Variants in STK32C observed in about 807,000 individuals in gnomAD.
The protein encoded by STK32C is serine/threonine-protein kinase 32C.
STK32C carries 31 observed loss-of-function variants against 56.5 expected under a neutral mutation model. That is an observed-to-expected ratio of 0.55 (90% CI 0.41 to 0.74). The LOEUF (loss-of-function observed/expected upper bound fraction) is 0.74, where lower values mean the gene tolerates loss of function less well. Among genes scored for constraint, STK32C ranks in the 30% least tolerant of loss-of-function variants. The probability of loss-of-function intolerance (pLI) is 0.00; values close to 1 mark genes in which losing one functional copy is unlikely to be tolerated. For synonymous variants in STK32C, 309 were observed against 289.4 expected (o/e 1.07, Z -0.69); for missense variants, 544 against 676.9 (o/e 0.80, Z 2.18).
intron 1 of STK32C, among the ~76,000 whole-genome samples, chr10:132,291,520 G>A (rs963114678): frequency 6.6e-6 from 1 of 152,202 alleles, no homozygotes; most frequent in Non-Finnish European, 1.5e-5. Flanking sequence ...GCCACCTAGT[G>A]GGAAGAAGGG....
chr10:132,273,958 C>G (rs879793295), intron 1 of STK32C, among the ~76,000 whole-genome samples: 1 of 152,264 alleles, frequency 6.6e-6, no homozygotes, highest in Non-Finnish European at 1.5e-5. Context: ...AACTGCGCTT[C>G]TGACTTCTCA....
chr10:132,236,979 A>G (rs138779741), intron 2 of STK32C, among the ~76,000 whole-genome samples: 1 of 152,310 alleles, frequency 6.6e-6, no homozygotes, highest in Non-Finnish European at 1.5e-5. Flanking sequence ...TTCAGCTTCC[A>G]CACTGTGGTT....
At chr10:132,331,551 G>A (rs1392070419) in exon 1 of STK32C, 1 of 1,612,836 alleles carries the variant, frequency 6.2e-7, no homozygotes, top group African/African-American at 1.3e-5. Context: ...TTGGGGACAA[G>A]CAGCTCCTGT....
At chr10:132,331,314 G>C (rs1233109535) in intron 1 of STK32C, 2 of 967,028 alleles carry the variant, frequency 2.1e-6, no homozygotes, top group Non-Finnish European at 3.0e-6. Context: ...TTATCAGTTG[G>C]ATCCTGGAAT....
intron 1 of STK32C, among the ~76,000 whole-genome samples, chr10:132,254,858 C>G (rs1035744236): frequency 9.2e-5 from 14 of 152,166 alleles, no homozygotes; most frequent in Non-Finnish European, 1.9e-4. Flanking sequence ...CAGGTCCCCT[C>G]TTGATGTCTT....
At chr10:132,238,172 G>C (rs1353313340) in intron 2 of STK32C, among the ~76,000 whole-genome samples, 1 of 152,136 alleles carries the variant, frequency 6.6e-6, no homozygotes, top group Non-Finnish European at 1.5e-5. Flanking sequence ...TTGGGACCGA[G>C]GCAGCTTCTA....
At chr10:132,258,452 A>C (rs918497202) in intron 1 of STK32C, among the ~76,000 whole-genome samples, 3 of 152,208 alleles carry the variant, frequency 2.0e-5, no homozygotes, top group Non-Finnish European at 4.4e-5. Context: ...GCTCTTTGCA[A>C]AGGACAGGTG....
At chr10:132,213,387 C>A (rs546516998) in intron 10 of STK32C, among the ~76,000 whole-genome samples, 2 of 152,344 alleles carry the variant, frequency 1.3e-5, no homozygotes, top group South Asian at 2.1e-4. Flanking sequence ...GGGATTCCAG[C>A]AGAGAGGGCC....
intron 1 of STK32C, among the ~76,000 whole-genome samples, chr10:132,258,777 G>A (rs11146271): frequency 0.27 from 40,764 of 152,114 alleles, 5,958 homozygotes; most frequent in Non-Finnish European, 0.34. Flanking sequence ...CAGGCCACAC[G>A]GTCGCACACC....
intron 10 of STK32C, among the ~76,000 whole-genome samples, chr10:132,217,232 A>G (rs1307806720): frequency 6.6e-6 from 1 of 152,262 alleles, no homozygotes; most frequent in Non-Finnish European, 1.5e-5. Flanking sequence ...TGAGAGATAG[A>G]GTCAAAGATG....
chr10:132,302,589 T>C (rs932721352), intron 1 of STK32C, among the ~76,000 whole-genome samples: 4 of 152,216 alleles, frequency 2.6e-5, no homozygotes, highest in Non-Finnish European at 5.9e-5. Flanking sequence ...ACCAGGCTTC[T>C]GACCACCAAG....
chr10:132,328,675 T>C, intron 1 of STK32C, among the ~76,000 whole-genome samples: 1 of 152,236 alleles, frequency 6.6e-6, no homozygotes, highest in East Asian at 1.9e-4. Context: ...GCTTAAAAGT[T>C]AGAAGCAAGA....
intron 1 of STK32C, among the ~76,000 whole-genome samples, chr10:132,254,982 C>G (rs887366324): frequency 3.3e-5 from 5 of 152,126 alleles, no homozygotes; most frequent in Admixed American, 1.3e-4. Flanking sequence ...CAGCCCACCC[C>G]ACCCACTCAT....
intron 1 of STK32C, among the ~76,000 whole-genome samples, chr10:132,260,728 G>C (rs1008069436): frequency 6.6e-6 from 1 of 152,244 alleles, no homozygotes; most frequent in Non-Finnish European, 1.5e-5. Context: ...GCCACCAGTG[G>C]CCGGGTGGGC....
chr10:132,299,016 C>T (rs1171478521), intron 1 of STK32C, among the ~76,000 whole-genome samples: 1 of 152,198 alleles, frequency 6.6e-6, no homozygotes, highest in African/African-American at 2.4e-5. Context: ...ACTAGCAGAA[C>T]TGAGACCCCA....
intron 7 of STK32C, 79 bp downstream of exon 7, chr10:132,225,154 G>C: frequency 8.2e-7 from 1 of 1,224,286 alleles, no homozygotes; most frequent in Non-Finnish European, 1.1e-6. Context: ...CACTGGGGCA[G>C]CCACCCCCTC....
At chr10:132,321,366 G>T (rs1365845453), downstream of STK32C, among the ~76,000 whole-genome samples, 1 of 152,162 alleles carries the variant, frequency 6.6e-6, no homozygotes, top group Non-Finnish European at 1.5e-5. Flanking sequence ...CTAATTTTGG[G>T]ATGGTTTGTT....
At chr10:132,309,076 G>C (rs999461451), upstream of STK32C, among the ~76,000 whole-genome samples, 31 of 152,196 alleles carry the variant, frequency 2.0e-4, no homozygotes, top group Non-Finnish European at 4.1e-4. Context: ...CGGACGATGA[G>C]CGGATCCCCA....
At chr10:132,267,502 C>T (rs2064588529) in intron 1 of STK32C, among the ~76,000 whole-genome samples, 1 of 148,802 alleles carries the variant, frequency 6.7e-6, no homozygotes. Context: ...CATGCATGTC[C>T]CACATCGTGT....
Sources: allele counts gnomAD v4.1 joint callset (sites outside exome capture counted in the v4.1 genomes callset), GRCh38; gene constraint gnomAD v4.1.1; transcripts MANE v1.5; gene names NCBI Gene and HGNC (gene_info 2026-07-23, HGNC 2026-07-21).